Variants in THRB observed in about 807,000 individuals in gnomAD.
THRB encodes thyroid hormone receptor beta.
Under a neutral mutation model 47.8 loss-of-function variants are expected in THRB, and 12 were observed. That is an observed-to-expected ratio of 0.25 (90% CI 0.16 to 0.41). The LOEUF (loss-of-function observed/expected upper bound fraction) is 0.41. Ranked by LOEUF, THRB falls within the 10% of genes least tolerant of loss-of-function variation. THRB has a pLI of 1.00. For missense variants in THRB, 348 were observed against 589.2 expected, an observed-to-expected ratio of 0.59 and a Z score of 4.24; for synonymous variants, 218 against 212.2, an observed-to-expected ratio of 1.03 and a Z score of -0.24.
chr3:24,295,695 T>A (rs1042322217), intron 3 of THRB, among the ~76,000 whole-genome samples: 6 of 152,220 alleles, frequency 3.9e-5, no homozygotes, highest in Admixed American at 3.3e-4. Context: ...AAACCCCGTA[T>A]CACAGAGTGT....
At chr3:24,257,128 C>G (rs190485249) in intron 3 of THRB, among the ~76,000 whole-genome samples, 43 of 152,224 alleles carry the variant, frequency 2.8e-4, no homozygotes, top group African/African-American at 1.0e-3. Flanking sequence ...TAGATGATAC[C>G]TGAAGTCTTG....
At chr3:24,420,519 C>T (rs1014699658) in intron 1 of THRB, among the ~76,000 whole-genome samples, 1 of 151,804 alleles carries the variant, frequency 6.6e-6, no homozygotes, top group African/African-American at 2.4e-5. Context: ...CCTCAGAAAC[C>T]TCTTTAAAAA....
At chr3:24,452,305 C>T (rs568795876) in intron 1 of THRB, among the ~76,000 whole-genome samples, 9 of 151,970 alleles carry the variant, frequency 5.9e-5, no homozygotes, top group African/African-American at 2.2e-4. Flanking sequence ...TTTTTGGCAC[C>T]CCCTTCCGTT....
At chr3:24,413,799 G>A (rs987081250) in intron 1 of THRB, among the ~76,000 whole-genome samples, 2 of 151,650 alleles carry the variant, frequency 1.3e-5, no homozygotes, top group African/African-American at 4.8e-5. Context: ...TCCCACCTAT[G>A]AGTGAGAACA....
chr3:24,288,007 A>G (rs1421125725), intron 3 of THRB, among the ~76,000 whole-genome samples: 1 of 152,228 alleles, frequency 6.6e-6, no homozygotes, highest in Non-Finnish European at 1.5e-5. Flanking sequence ...TGTGGTTCCA[A>G]AGTTGCACTG....
chr3:24,149,575 C>T (rs1488198780), intron 6 of THRB, among the ~76,000 whole-genome samples: 3 of 152,230 alleles, frequency 2.0e-5, no homozygotes, highest in Non-Finnish European at 4.4e-5. Flanking sequence ...CTCTACTATA[C>T]ACTATGCCAT....
rs528470974 is a variant in THRB, at chr3:24,302,049, T to A, written c.-188-4678A>T. ...TCCCTACAGACTGCAAGGCCCTAAC[T>A]TGGTGTTGGCTAAGCCGCTAGGTTG... On this transcript the variant is annotated intron_variant, in intron 2 of 10. Transcript: ENST00000646209. Among the ~76,000 whole-genome samples the A allele has an allele frequency of 2.1e-3, 315 of 152,314 alleles. 1 individual carries two copies. Among genetic ancestry groups the A allele is most frequent in the African/African-American group, 6.9e-3 (288 of 41,566 alleles).
Position 24,122,662 on chromosome 3 carries a change from C to A in THRB, c.*222G>T. On this transcript the variant is annotated 3_prime_UTR_variant, in exon 11 of 11. Transcript: ENST00000646209. ...CCACCCCACCTCCACAACCATAAAA[C>A]CTTCAGAGCATTCACATCACAGGAC... The A allele has an allele frequency of 3.3e-6, 2 of 603,496 alleles. No individual in the cohort carries two copies. The highest frequency in any genetic ancestry group is 5.7e-5 in the Admixed American group (2 of 35,012). The allele number at this position is 603,496 out of a possible 1,614,324, so 37.4% of individuals were successfully genotyped here.
At chr3:24,233,595 G>GAAAGAAAGAAAGAAGGAAAGAAAAAT (rs2048532276) in intron 3 of THRB, among the ~76,000 whole-genome samples, 1 of 143,854 alleles carries the variant, frequency 7.0e-6, no homozygotes, top group Non-Finnish European at 1.5e-5. Flanking sequence ...AAGAAAGAAA[G>GAAAGAAAGAAAGAAGGAAAGAAAAAT]AAAGAAAGAA....
chr3:24,417,687 A>C (rs2068877781), intron 1 of THRB, among the ~76,000 whole-genome samples: 1 of 151,890 alleles, frequency 6.6e-6, no homozygotes, highest in Non-Finnish European at 1.5e-5. Flanking sequence ...AACTATATTG[A>C]TTAGCTATAC....
intron 1 of THRB, among the ~76,000 whole-genome samples, chr3:24,426,259 T>C (rs2069749427): frequency 6.6e-6 from 1 of 151,930 alleles, no homozygotes; most frequent in Non-Finnish European, 1.5e-5. Context: ...GTTATGTCCT[T>C]TCTTAACCAC....
At chr3:24,127,886 A>G (rs1194569248) in intron 9 of THRB, 129 bp from the exon 10 acceptor site, 3 of 1,124,498 alleles carry the variant, frequency 2.7e-6, no homozygotes, top group Non-Finnish European at 4.0e-6. Flanking sequence ...CTTTGAGCCC[A>G]TGGTTTTCCC....
chr3:24,118,145 G>A lies in THRB; in HGVS notation c.*4739C>T, dbSNP rs1269121098. 2.0e-5 allele frequency: 3 copies of A among 152,636 alleles called. No homozygotes were observed. The highest frequency in any genetic ancestry group is 4.8e-5 in the African/African-American group (2 of 41,454). 9.5% of individuals were successfully genotyped at this position (152,636 alleles called of 1,614,324 possible). ...TCCGTCTTTTGGCAGCAGCTGAAGT[G>A]AGAAGAGCAGGCAACTCTTTGCCTA... On this transcript the variant is annotated 3_prime_UTR_variant, in exon 11 of 11. Transcript: ENST00000646209.
intron 1 of THRB, among the ~76,000 whole-genome samples, chr3:24,468,703 C>T (rs1483992752): frequency 6.6e-6 from 1 of 152,012 alleles, no homozygotes; most frequent in Non-Finnish European, 1.5e-5. Context: ...AAAACAATGA[C>T]AACAGTAACA....
At chr3:24,364,532 A>G (rs2064314003) in intron 1 of THRB, among the ~76,000 whole-genome samples, 1 of 152,202 alleles carries the variant, frequency 6.6e-6, no homozygotes, top group African/African-American at 2.4e-5. Context: ...CAGATGAGAA[A>G]ACTGAGATCT....
chr3:24,189,508 G>T (rs778810722), intron 5 of THRB, among the ~76,000 whole-genome samples: 6 of 145,262 alleles, frequency 4.1e-5, no homozygotes, highest in Non-Finnish European at 9.3e-5. Flanking sequence ...CAGGAACTTA[G>T]GCCAGTTTAA....
intron 2 of THRB, among the ~76,000 whole-genome samples, chr3:24,322,459 C>T (rs557259970): frequency 1.3e-5 from 2 of 152,146 alleles, no homozygotes; most frequent in Non-Finnish European, 2.9e-5. Context: ...TGCTTTGGGC[C>T]AGGCCCACCT....
At chr3:24,327,113 T>A (rs370755649) in intron 2 of THRB, among the ~76,000 whole-genome samples, 1 of 152,092 alleles carries the variant, frequency 6.6e-6, no homozygotes, top group Non-Finnish European at 1.5e-5. Context: ...CCATTGAGAG[T>A]GTTCATAAAA....
intron 3 of THRB, among the ~76,000 whole-genome samples, chr3:24,265,347 T>C (rs2052541810): frequency 6.6e-6 from 1 of 152,204 alleles, no homozygotes. Flanking sequence ...ACATTAAAAG[T>C]GGTATTTTTT....
Sources: allele counts gnomAD v4.1 joint callset (sites outside exome capture counted in the v4.1 genomes callset), GRCh38; gene constraint gnomAD v4.1.1; transcripts MANE v1.5; gene names NCBI Gene and HGNC (gene_info 2026-07-23, HGNC 2026-07-21).